Variants in NEK10 observed in about 807,000 individuals in gnomAD.
NEK10 encodes NIMA related kinase 10.
NEK10 carries 122 observed loss-of-function variants against 159.8 expected under a neutral mutation model. The observed-to-expected ratio is 0.76, with a 90% CI of 0.66 to 0.89. The LOEUF is 0.89. Ranked by LOEUF, NEK10 falls within the 40% of genes least tolerant of loss-of-function variation. The pLI is 0.00. For synonymous variants in NEK10, 466 were observed against 457.1 expected (o/e 1.02, Z -0.25); for missense variants, 1,342 against 1,323.1 (o/e 1.01, Z -0.22).
At chr3:27,297,142 GT>G in intron 14 of NEK10, 36 bp downstream of exon 14, 2 of 1,442,744 alleles carry the variant, frequency 1.4e-6, no homozygotes, top group Non-Finnish European at 2.0e-6. Context: ...ATTATGAATG[GT>G]TATGGAGACC....
chr3:27,243,730 G>A lies in NEK10; in HGVS notation c.2090+12566C>T, dbSNP rs1487896172. Among the ~76,000 whole-genome samples the A allele has an allele frequency of 2.0e-5, 3 of 152,008 alleles. No individual in the cohort carries two copies. In the East Asian group the frequency reaches 5.8e-4, roughly 29 times the overall value. ...GAGTTCTGCAGCTCTGTGCTGGGAG[G>A]TCCCTGTTCTACCCTACTTTCTATA... is the stretch of plus-strand genomic sequence containing the variant. On this transcript the variant is annotated intron_variant, in intron 23 of 35. Transcript: ENST00000691995.
chr3:27,159,275 T>C (rs1427578035), intron 30 of NEK10, among the ~76,000 whole-genome samples: 1 of 152,206 alleles, frequency 6.6e-6, no homozygotes, highest in African/African-American at 2.4e-5. Flanking sequence ...AATATCTACC[T>C]GGAATTTAAT....
At chr3:27,119,656 G>A in intron 33 of NEK10, 104 bp downstream of exon 33, 1 of 823,708 alleles carries the variant, frequency 1.2e-6, no homozygotes, top group Middle Eastern at 3.1e-4. Context: ...ATCAAAACAA[G>A]CTCTATTTAA....
chr3:27,198,665 G>C (rs1949767931), intron 25 of NEK10, among the ~76,000 whole-genome samples: 1 of 152,112 alleles, frequency 6.6e-6, no homozygotes, highest in Admixed American at 6.6e-5. Flanking sequence ...ACAGATTAAA[G>C]ACTTAAATGT....
At chr3:27,311,973 C>A in intron 8 of NEK10, 126 bp downstream of exon 8, 1 of 693,826 alleles carries the variant, frequency 1.4e-6, no homozygotes, top group Non-Finnish European at 2.6e-6. Flanking sequence ...CCTGGATGCT[C>A]AACACCTGAG....
At chr3:27,279,992 A>AC (rs1252760179) in intron 22 of NEK10, among the ~76,000 whole-genome samples, 1 of 151,400 alleles carries the variant, frequency 6.6e-6, no homozygotes, top group Non-Finnish European at 1.5e-5. Flanking sequence ...ACATGGTGAA[A>AC]CCCCGTCTCT....
chr3:27,315,920 G>A (rs2045124737), intron 6 of NEK10, among the ~76,000 whole-genome samples: 2 of 152,166 alleles, frequency 1.3e-5, no homozygotes, highest in African/African-American at 2.4e-5. Context: ...TAAAGATCGG[G>A]AAGAGGTGAA....
intron 22 of NEK10, among the ~76,000 whole-genome samples, chr3:27,262,040 T>C (rs1375244294): frequency 6.6e-6 from 1 of 152,214 alleles, no homozygotes; most frequent in African/African-American, 2.4e-5. Context: ...AGACTAGGAT[T>C]GCAACCCCTC....
At chr3:27,297,439 C>G (rs893283884) in intron 13 of NEK10, among the ~76,000 whole-genome samples, 199 bp from the exon 14 acceptor site, 2 of 152,148 alleles carry the variant, frequency 1.3e-5, no homozygotes, top group Non-Finnish European at 2.9e-5. Context: ...AATTCTCCTC[C>G]CCATGTAATT....
chr3:27,182,720 T>C (rs1948244455), intron 26 of NEK10, among the ~76,000 whole-genome samples: 2 of 151,916 alleles, frequency 1.3e-5, no homozygotes, highest in South Asian at 2.1e-4. Context: ...GATGAATTGA[T>C]AAAGAAATGG....
At position 27,174,793 on chromosome 3, in the gene NEK10, C is replaced by A; in HGVS notation, c.2546G>T (p.Gly849Val). ...EKASLSSSSSGAASLKSELSE... is the reference protein window; with the variant it reads ...EKASLSSSSSVAASLKSELSE... ...AAGTTCACTTTTCAGGCTGGCTGCT[C>A]CACTGCTGCTGCTACTCAAACTTGC... Residue 849 changes from glycine to valine, a missense_variant, in exon 27 of 36, where the codon GGA (glycine) becomes GTA (valine). Coordinates refer to ENST00000691995, the MANE Select transcript of NEK10 (RefSeq NM_001394966.1). The A allele has an allele frequency of 6.2e-7, 1 of 1,608,424 alleles. No individual in the cohort carries two copies.
intron 25 of NEK10, among the ~76,000 whole-genome samples, chr3:27,193,747 A>G (rs757454494): frequency 6.6e-6 from 1 of 151,734 alleles, no homozygotes; most frequent in Non-Finnish European, 1.5e-5. Flanking sequence ...TCAGACAGAT[A>G]TCCTGAGCCC....
At chr3:27,323,540 A>C (rs1314291946) in intron 5 of NEK10, among the ~76,000 whole-genome samples, 1 of 152,176 alleles carries the variant, frequency 6.6e-6, no homozygotes, top group Non-Finnish European at 1.5e-5. Flanking sequence ...AGTCACAGTC[A>C]CTGGAGAAGT....
chr3:27,291,545 C>G lies in NEK10; in HGVS notation c.1415G>C (p.Gly472Ala). 1 of 1,609,862 alleles carries G rather than the reference C, an allele frequency of 6.2e-7. No individual in the cohort carries two copies. The highest frequency in any genetic ancestry group is 8.5e-7 in the Non-Finnish European group (1 of 1,176,136). The change falls in exon 17 of 36, where the codon GGG (glycine) becomes GCG (alanine). Residue 472 changes from glycine (G) to alanine (A), a missense_variant. Physicochemically the swap from Gly to Ala is moderately conservative, Grantham distance 60. Transcript: ENST00000691995. Reference sequence around the variant, plus strand: ...AGCACTGATATCACGTACATAATGCCCTATGTCAATGAAGATCTCAAACAA... The same window carrying G: ...AGCACTGATATCACGTACATAATGCGCTATGTCAATGAAGATCTCAAACAA... Reference protein sequence around the residue: ...TDLFEIFIDIGHYVRDISAYE... With the variant: ...TDLFEIFIDIAHYVRDISAYE...
chr3:27,156,929 G>GATAT (rs4016654), intron 30 of NEK10, among the ~76,000 whole-genome samples: 552 of 28,294 alleles, frequency 0.02, 37 homozygotes, highest in Non-Finnish European at 0.029. Flanking sequence ...TAAAGAAACT[G>GATAT]ATATATATAT....
intron 23 of NEK10, among the ~76,000 whole-genome samples, chr3:27,230,778 A>C (rs1479670769): frequency 6.6e-6 from 1 of 152,068 alleles, no homozygotes; most frequent in African/African-American, 2.4e-5. Flanking sequence ...GCAAAGAAGG[A>C]CATTATATAT....
At chr3:27,239,192 G>A (rs1466753897) in intron 23 of NEK10, among the ~76,000 whole-genome samples, 1 of 147,524 alleles carries the variant, frequency 6.8e-6, no homozygotes, top group Non-Finnish European at 1.5e-5. Context: ...AAAATGTCAA[G>A]TTCACAAAAA....
chr3:27,346,354 G>A, intron 3 of NEK10, 138 bp from the exon 4 acceptor site: 1 of 868,670 alleles, frequency 1.2e-6, no homozygotes, highest in Non-Finnish European at 1.8e-6. Context: ...TCAAATGTAA[G>A]GGTTTTCCAA....
chr3:27,124,711 C>T (rs56259835), intron 32 of NEK10, among the ~76,000 whole-genome samples: 54,601 of 152,074 alleles, frequency 0.36, 12,033 homozygotes, highest in East Asian at 0.74. Context: ...TGAAGGAAAA[C>T]GGATGCTTTC....
Sources: allele counts gnomAD v4.1 joint callset (sites outside exome capture counted in the v4.1 genomes callset), GRCh38; gene constraint gnomAD v4.1.1; transcripts MANE v1.5; gene names NCBI Gene and HGNC (gene_info 2026-07-23, HGNC 2026-07-21).